The following NKAIN3 variants were observed in gnomAD, a reference collection of about 807,000 sequenced individuals.
The protein encoded by NKAIN3 is sodium/potassium-transporting ATPase subunit beta-1-interacting protein 3.
Under a neutral mutation model 30.2 loss-of-function variants are expected in NKAIN3, and 25 were observed. That is an observed-to-expected ratio of 0.83 (90% CI 0.60 to 1.16). The LOEUF is 1.16. Among genes scored for constraint, NKAIN3 ranks in the 50% most tolerant of loss-of-function variants. The pLI, the probability that NKAIN3 is intolerant of heterozygous loss-of-function variation, is 0.00. For missense variants in NKAIN3, 225 were observed against 254.1 expected (o/e 0.89, Z 0.78); for synonymous variants, 91 against 89.6 (o/e 1.02, Z -0.09).
At chr8:62,883,712 A>G (rs1343865575) in intron 4 of NKAIN3, among the ~76,000 whole-genome samples, 1 of 151,644 alleles carries the variant, frequency 6.6e-6, no homozygotes, top group African/African-American at 2.4e-5. Flanking sequence ...TTTTTTGCCA[A>G]GTTGATTTTG....
intron 4 of NKAIN3, among the ~76,000 whole-genome samples, chr8:62,878,899 T>C (rs1462139083): frequency 6.6e-6 from 1 of 152,168 alleles, no homozygotes. Context: ...ATTTTCTTAA[T>C]CCAGTCTATC....
intron 1 of NKAIN3, among the ~76,000 whole-genome samples, chr8:62,299,571 C>A (rs1042412792): frequency 3.3e-5 from 5 of 151,954 alleles, no homozygotes; most frequent in African/African-American, 1.2e-4. Flanking sequence ...TTATCATTAC[C>A]TTTTTTTCAT....
At chr8:62,846,197 T>C (rs905396440) in intron 4 of NKAIN3, among the ~76,000 whole-genome samples, 5 of 152,144 alleles carry the variant, frequency 3.3e-5, no homozygotes, top group African/African-American at 1.2e-4. Flanking sequence ...AAATGATGAA[T>C]GTGCAAGAAA....
chr8:62,404,535 T>C (rs533289129), intron 1 of NKAIN3, among the ~76,000 whole-genome samples: 1 of 152,296 alleles, frequency 6.6e-6, no homozygotes, highest in East Asian at 1.9e-4. Context: ...AAGGGGCTTA[T>C]GCATTTGCTT....
At chr8:62,927,761 C>G (rs1822493946) in intron 5 of NKAIN3, among the ~76,000 whole-genome samples, 1 of 152,170 alleles carries the variant, frequency 6.6e-6, no homozygotes, top group Non-Finnish European at 1.5e-5. Context: ...ATTAACTAAT[C>G]ATTCCTACTA....
At chr8:62,298,330 A>C in intron 1 of NKAIN3, among the ~76,000 whole-genome samples, 1 of 152,122 alleles carries the variant, frequency 6.6e-6, no homozygotes, top group East Asian at 1.9e-4. Flanking sequence ...CATAATAATA[A>C]AATAAAATAA....
rs139426993 is a variant in NKAIN3, at chr8:62,681,302, A to G, written c.274-65630A>G. 7.2e-5 allele frequency among the ~76,000 whole-genome samples: 11 copies of G among 152,318 alleles called. No homozygotes were observed. The East Asian group carries it at 2.1e-3, about 29-fold the overall frequency. On this transcript the variant is annotated intron_variant, in intron 3 of 6. Transcript: ENST00000623646. ...AAGAACTTTGAGATTATTGAATGAG[A>G]GGTTATAGTAAATGAACTTTCACAT...
chr8:62,359,341 A>G (rs1018391916), intron 1 of NKAIN3, among the ~76,000 whole-genome samples: 1 of 152,236 alleles, frequency 6.6e-6, no homozygotes, highest in African/African-American at 2.4e-5. Context: ...TTACAGACAG[A>G]TGGAGATCAA....
intron 1 of NKAIN3, among the ~76,000 whole-genome samples, chr8:62,286,997 A>C (rs1453443576): frequency 6.6e-6 from 1 of 151,430 alleles, no homozygotes; most frequent in Admixed American, 6.6e-5. Flanking sequence ...GCTTCAGTGT[A>C]TTTCAACTGG....
At chr8:62,838,029 T>C (rs915825808) in intron 4 of NKAIN3, among the ~76,000 whole-genome samples, 3 of 151,856 alleles carry the variant, frequency 2.0e-5, no homozygotes, top group Non-Finnish European at 4.4e-5. Context: ...CGTAAAAACT[T>C]AGGAAAACAA....
intron 1 of NKAIN3, among the ~76,000 whole-genome samples, chr8:62,403,648 C>T (rs1803960420): frequency 6.6e-6 from 1 of 152,198 alleles, no homozygotes; most frequent in Admixed American, 6.5e-5. Flanking sequence ...GGTTTGGGAA[C>T]CTCTGCCTAG....
chr8:62,817,939 G>A (rs957610803), intron 4 of NKAIN3, among the ~76,000 whole-genome samples: 2 of 152,110 alleles, frequency 1.3e-5, no homozygotes, highest in African/African-American at 4.8e-5. Context: ...AAACCCATCA[G>A]TGCCTTTCTG....
At chr8:62,892,444 A>G (rs1038462043) in intron 4 of NKAIN3, among the ~76,000 whole-genome samples, 1 of 152,206 alleles carries the variant, frequency 6.6e-6, no homozygotes, top group African/African-American at 2.4e-5. Flanking sequence ...ATGTTTCTGA[A>G]TCTAATGAAG....
intron 4 of NKAIN3, among the ~76,000 whole-genome samples, chr8:62,877,793 C>T (rs942283007): frequency 6.6e-6 from 1 of 152,090 alleles, no homozygotes; most frequent in Non-Finnish European, 1.5e-5. Flanking sequence ...GTAATCCCAG[C>T]ACTTTGGGAG....
At chr8:62,762,553 A>G (rs1003879659) in intron 4 of NKAIN3, among the ~76,000 whole-genome samples, 1 of 152,224 alleles carries the variant, frequency 6.6e-6, no homozygotes, top group African/African-American at 2.4e-5. Flanking sequence ...GAAGAATGGC[A>G]TATTCTAAAT....
chr8:62,568,827 A>C (rs140873433), intron 1 of NKAIN3, among the ~76,000 whole-genome samples: 1,657 of 152,284 alleles, frequency 0.011, 39 homozygotes, highest in Middle Eastern at 0.02. Context: ...ACACATATAA[A>C]CAGAATTCAA....
At chr8:62,251,298 T>C (rs1812092908) in intron 1 of NKAIN3, among the ~76,000 whole-genome samples, 1 of 152,118 alleles carries the variant, frequency 6.6e-6, no homozygotes, top group Non-Finnish European at 1.5e-5. Flanking sequence ...ATGTATATAT[T>C]ACATTATAAT....
intron 2 of NKAIN3, among the ~76,000 whole-genome samples, chr8:62,580,229 T>A (rs1810249067): frequency 1.3e-5 from 2 of 152,200 alleles, no homozygotes; most frequent in Admixed American, 1.3e-4. Flanking sequence ...TTTGTCAAGA[T>A]GAATTTGAAA....
At chr8:62,948,356 C>T (rs560928723) in intron 5 of NKAIN3, among the ~76,000 whole-genome samples, 8 of 152,152 alleles carry the variant, frequency 5.3e-5, no homozygotes, top group South Asian at 4.2e-4. Context: ...CGCGCCACCA[C>T]GCCCAGTTAA....
Sources: allele counts gnomAD v4.1 joint callset (sites outside exome capture counted in the v4.1 genomes callset), GRCh38; gene constraint gnomAD v4.1.1; transcripts MANE v1.5; gene names NCBI Gene and HGNC (gene_info 2026-07-23, HGNC 2026-07-21).